ATP10B: variants seen among roughly 807,000 people sequenced by gnomAD.
ATP10B encodes the protein phospholipid-transporting ATPase VB.
A neutral mutation model predicts 141.2 loss-of-function variants in ATP10B; 122 were observed. That is an observed-to-expected ratio of 0.86 (90% CI 0.75 to 1.00). ATP10B has a LOEUF of 1.00. ATP10B is among the 50% of genes least tolerant of loss of function. The probability of loss-of-function intolerance (pLI) is 0.00; values close to 1 mark genes in which losing one functional copy is unlikely to be tolerated. For synonymous variants in ATP10B, 685 were observed against 692.0 expected (o/e 0.99, Z 0.16); for missense variants, 1,876 against 1,825.3 (o/e 1.03, Z -0.51).
At chr5:160,783,586 CACACACACACAT>C (rs746251635) in intron 2 of ATP10B, among the ~76,000 whole-genome samples, 537 of 132,820 alleles carry the variant, frequency 4.0e-3, no homozygotes, top group East Asian at 0.02. Flanking sequence ...CACACACACA[CACACACACACAT>C]ACACACACAC....
chr5:160,575,359 G>A (rs6887022), intron 24 of ATP10B, among the ~76,000 whole-genome samples: 12,903 of 151,768 alleles, frequency 0.085, 1,242 homozygotes, highest in African/African-American at 0.24. Context: ...GGGCTATTTC[G>A]TAGCCTTTGG....
At chr5:160,732,980 A>G (rs548157403) in intron 2 of ATP10B, among the ~76,000 whole-genome samples, 55 of 152,308 alleles carry the variant, frequency 3.6e-4, no homozygotes, top group African/African-American at 1.3e-3. Flanking sequence ...AAGTTCTTAA[A>G]TTACAGATGT....
chr5:160,814,536 A>C (rs1231041647), intron 1 of ATP10B, among the ~76,000 whole-genome samples: 2 of 147,452 alleles, frequency 1.4e-5, no homozygotes, highest in Non-Finnish European at 3.0e-5. Flanking sequence ...GACGGGGAGA[A>C]CGGACCCAAG....
chr5:160,608,001 C>T (rs189351579), intron 18 of ATP10B, among the ~76,000 whole-genome samples: 16 of 152,272 alleles, frequency 1.1e-4, no homozygotes, highest in African/African-American at 3.4e-4. Flanking sequence ...CATATGTATA[C>T]GTGTGCCATG....
At chr5:160,656,593 A>G (rs1761514744) in intron 7 of ATP10B, among the ~76,000 whole-genome samples, 1 of 152,154 alleles carries the variant, frequency 6.6e-6, no homozygotes, top group Non-Finnish European at 1.5e-5. Context: ...AATAAATTAA[A>G]ATTTCATTTA....
At chr5:160,801,152 G>A (rs1002816977) in intron 1 of ATP10B, among the ~76,000 whole-genome samples, 1 of 152,060 alleles carries the variant, frequency 6.6e-6, no homozygotes, top group African/African-American at 2.4e-5. Context: ...CAGCTGCCAG[G>A]GTCCTCTGTG....
intron 3 of ATP10B, among the ~76,000 whole-genome samples, chr5:160,707,667 A>G (rs534474456): frequency 1.3e-5 from 2 of 152,360 alleles, no homozygotes; most frequent in East Asian, 1.9e-4. Flanking sequence ...AGAAAAGCCT[A>G]TTAATATCAG....
intron 2 of ATP10B, among the ~76,000 whole-genome samples, chr5:160,752,305 C>T (rs765112389): frequency 6.6e-6 from 1 of 151,674 alleles, no homozygotes; most frequent in Non-Finnish European, 1.5e-5. Context: ...GTGGATTACC[C>T]TAAAGTCCAG....
chr5:160,672,608 C>A (rs754220693), intron 6 of ATP10B, among the ~76,000 whole-genome samples: 2 of 152,282 alleles, frequency 1.3e-5, no homozygotes, highest in South Asian at 4.1e-4. Context: ...TCTAACTGAG[C>A]CCAGCTGGCT....
At chr5:160,567,205 G>C (rs1754600722) in intron 25 of ATP10B, among the ~76,000 whole-genome samples, 1 of 152,100 alleles carries the variant, frequency 6.6e-6, no homozygotes, top group East Asian at 1.9e-4. Flanking sequence ...GTCCCCAAGG[G>C]ATTAAGCCAT....
At chr5:160,892,437 C>A in the ATP10B span, among the ~76,000 whole-genome samples, 1 of 152,210 alleles carries the variant, frequency 6.6e-6, no homozygotes, top group Non-Finnish European at 1.5e-5. Context: ...TCAGACAGAC[C>A]ATTCCTTATG....
chr5:160,771,296 A>G (rs1343396474), intron 2 of ATP10B, among the ~76,000 whole-genome samples: 1 of 152,206 alleles, frequency 6.6e-6, no homozygotes, highest in Non-Finnish European at 1.5e-5. Context: ...CCTCATGCTG[A>G]GGAGTATTTG....
rs997288244 is a variant in ATP10B at position 160,675,873 on chromosome 5, G to A, written c.471-5206C>T. Among the ~76,000 whole-genome samples, 3 of 151,722 alleles carry A rather than the reference G, an allele frequency of 2.0e-5. 1 individual carries two copies. The highest frequency in any genetic ancestry group is 4.9e-5 in the African/African-American group (2 of 41,190). ...GCTGAGGCCAGAGAAGCAGGGGGGT[G>A]GGGGAGGGGGGGCGACCAGGACCCC... On this transcript the variant is annotated intron_variant, in intron 6 of 25. Transcript: ENST00000327245.
At chr5:160,722,365 C>T (rs1766052388) in intron 2 of ATP10B, among the ~76,000 whole-genome samples, 1 of 152,146 alleles carries the variant, frequency 6.6e-6, no homozygotes, top group Non-Finnish European at 1.5e-5. Context: ...ATTATTGAGG[C>T]TTCACTTTGT....
At chr5:160,818,020 A>C (rs1773799224) in intron 1 of ATP10B, among the ~76,000 whole-genome samples, 1 of 152,238 alleles carries the variant, frequency 6.6e-6, no homozygotes, top group African/African-American at 2.4e-5. Flanking sequence ...AAAGACTTAA[A>C]TGTTAGACTT....
At chr5:160,706,604 G>C (rs772059278) in intron 3 of ATP10B, among the ~76,000 whole-genome samples, 1 of 152,092 alleles carries the variant, frequency 6.6e-6, no homozygotes, top group Non-Finnish European at 1.5e-5. Flanking sequence ...GATTGCCCTG[G>C]TTAGTTTGTT....
the ATP10B span, among the ~76,000 whole-genome samples, chr5:160,926,264 T>C: frequency 4.6e-5 from 7 of 152,198 alleles, no homozygotes; most frequent in Non-Finnish European, 7.3e-5. Context: ...CACAAGAAGT[T>C]GGAAAAGAAT....
Position 160,565,596 on chromosome 5 carries a change from C to T in ATP10B, c.4243G>A (p.Gly1415Arg). Residue 1415 changes from glycine to arginine, a missense_variant, in exon 26 of 26, where the codon GGG (glycine) becomes AGG (arginine). Physicochemically the swap from Gly to Arg is moderately radical, Grantham distance 125. Transcript: ENST00000327245. The stretch of plus-strand genomic sequence containing the variant: ...GATGAGAGTTGAGCTGAGGAGTCCC[C>T]TGAGCATGAGTCATCCCTCATGCAC... ...TECMRDDSCS[G>R]DSSAQLSSGE... The T allele has an allele frequency of 1.2e-6, 2 of 1,614,154 alleles. No homozygotes were observed. The highest frequency in any genetic ancestry group is 1.1e-5 in the South Asian group (1 of 91,090).
chr5:160,864,335 A>G, the ATP10B span, among the ~76,000 whole-genome samples: 1 of 152,098 alleles, frequency 6.6e-6, no homozygotes, highest in Non-Finnish European at 1.5e-5. Context: ...AAATTATGTG[A>G]TCATCTCAAT....
Sources: allele counts gnomAD v4.1 joint callset (sites outside exome capture counted in the v4.1 genomes callset), GRCh38; gene constraint gnomAD v4.1.1; transcripts MANE v1.5; gene names NCBI Gene and HGNC (gene_info 2026-07-23, HGNC 2026-07-21).